ACOXL: variants seen among roughly 807,000 people sequenced by gnomAD.
The protein encoded by ACOXL is acyl-coenzyme A oxidase-like protein.
ACOXL carries 70 observed loss-of-function variants against 71.9 expected under a neutral mutation model. The observed-to-expected ratio is 0.97, with a 90% CI of 0.80 to 1.19. ACOXL has a LOEUF of 1.19. ACOXL is among the 50% of genes most tolerant of loss of function. The probability of loss-of-function intolerance (pLI) is 0.00; values close to 1 mark genes in which losing one functional copy is unlikely to be tolerated. For synonymous variants in ACOXL, 253 were observed against 281.6 expected (o/e 0.90, Z 1.02); for missense variants, 703 against 736.3 (o/e 0.95, Z 0.52).
At chr2:110,860,004 C>G (rs1693749575) in intron 10 of ACOXL, among the ~76,000 whole-genome samples, 1 of 152,176 alleles carries the variant, frequency 6.6e-6, no homozygotes, top group Non-Finnish European at 1.5e-5. Context: ...CCTGTCTTTC[C>G]CTTCCTGCTT....
intron 9 of ACOXL, among the ~76,000 whole-genome samples, chr2:110,811,410 G>A (rs1687299019): frequency 6.6e-6 from 1 of 152,222 alleles, no homozygotes; most frequent in Non-Finnish European, 1.5e-5. Flanking sequence ...CGCAGACAGT[G>A]TGGCATAACA....
intron 10 of ACOXL, chr2:110,886,686 A>G (rs979003590): frequency 2.7e-6 from 4 of 1,488,680 alleles, no homozygotes; most frequent in African/African-American, 2.8e-5. Flanking sequence ...TCCCTCCCCT[A>G]TCCTTCTGAA....
chr2:110,911,580 AC>A (rs1406444222), intron 11 of ACOXL, among the ~76,000 whole-genome samples: 1 of 152,130 alleles, frequency 6.6e-6, no homozygotes, highest in Non-Finnish European at 1.5e-5. Flanking sequence ...AAAACAACAT[AC>A]TACACTGTGT....
chr2:110,875,609 G>T (rs1378000056), intron 10 of ACOXL, among the ~76,000 whole-genome samples: 3 of 152,084 alleles, frequency 2.0e-5, no homozygotes, highest in Non-Finnish European at 4.4e-5. Flanking sequence ...CGTCTCCTCT[G>T]GGAGCCCCTT....
chr2:110,998,300 A>G (rs1421961863), intron 14 of ACOXL, among the ~76,000 whole-genome samples: 1 of 152,256 alleles, frequency 6.6e-6, no homozygotes, highest in Non-Finnish European at 1.5e-5. Context: ...TAACATAACT[A>G]CTGAACACAG....
intron 16 of ACOXL, among the ~76,000 whole-genome samples, chr2:111,060,965 CTCTG>C (rs1212181216): frequency 6.6e-6 from 1 of 152,116 alleles, no homozygotes; most frequent in Non-Finnish European, 1.5e-5. Context: ...AAATGACTGA[CTCTG>C]TACAACAGAA....
At chr2:111,066,036 C>T (rs867012228) in intron 16 of ACOXL, among the ~76,000 whole-genome samples, 2 of 152,228 alleles carry the variant, frequency 1.3e-5, no homozygotes, top group South Asian at 2.1e-4. Flanking sequence ...TATTTATCCC[C>T]CCAAAAATGA....
intron 17 of ACOXL, chr2:111,112,917 T>G (rs2070093240): frequency 6.6e-6 from 1 of 152,224 alleles, no homozygotes; most frequent in Non-Finnish European, 1.5e-5. Context: ...GAAGCCGATA[T>G]CCTTGGCACC....
intron 14 of ACOXL, among the ~76,000 whole-genome samples, chr2:111,011,284 ACTGAGACAAAAAGGAAAACCCTTAAT>A (rs1368675204): frequency 1.3e-5 from 2 of 152,178 alleles, no homozygotes; most frequent in African/African-American, 4.8e-5. Flanking sequence ...GAGGTAGTAG[ACTGAGACAAAAAGGAAAACCCTTAAT>A]CTGAAAGAAG....
intron 9 of ACOXL, among the ~76,000 whole-genome samples, chr2:110,834,279 G>T (rs370749517): frequency 6.6e-6 from 1 of 152,212 alleles, no homozygotes; most frequent in Non-Finnish European, 1.5e-5. Context: ...TGTAAGGGAT[G>T]CACAGAATCC....
chr2:110,798,890 T>C, intron 6 of ACOXL, 124 bp from the exon 7 acceptor site: 1 of 1,189,330 alleles, frequency 8.4e-7, no homozygotes, highest in Admixed American at 1.8e-5. Flanking sequence ...TTATATGCTC[T>C]CATGCTTGGT....
intron 2 of ACOXL, among the ~76,000 whole-genome samples, chr2:110,778,637 G>A (rs940892153): frequency 3.9e-5 from 6 of 152,110 alleles, no homozygotes; most frequent in African/African-American, 1.4e-4. Context: ...TGTGAAGTGT[G>A]GACGATAACA....
intron 10 of ACOXL, among the ~76,000 whole-genome samples, chr2:110,862,957 G>A (rs554955213): frequency 6.6e-6 from 1 of 152,222 alleles, no homozygotes; most frequent in East Asian, 1.9e-4. Context: ...ACATTCACTA[G>A]GTTTTTTATT....
At chr2:110,898,166 A>T (rs2059090432) in intron 10 of ACOXL, among the ~76,000 whole-genome samples, 1 of 118,532 alleles carries the variant, frequency 8.4e-6, no homozygotes, top group Non-Finnish European at 1.8e-5. Flanking sequence ...TTTCCAGAAG[A>T]ATTATTAATA....
In ACOXL at chr2:110,921,567, G is replaced by T. The variant is rs183640390; in HGVS notation, c.906-11922G>T. Among the ~76,000 whole-genome samples, 312 of 151,964 alleles carry T rather than the reference G, an allele frequency of 2.1e-3. 2 individuals are homozygous for T. Among genetic ancestry groups the T allele is most frequent in the African/African-American group, 7.3e-3 (303 of 41,458 alleles). On this transcript the variant is annotated intron_variant, in intron 11 of 17. Transcript: ENST00000439055. The stretch of plus-strand genomic sequence containing the variant: ...TGCCACCACGTCCGGCTAACTTTTT[G>T]TACTTTTAGTAGAGTTGGGGTTTCA...
At chr2:111,055,281 C>T (rs1558919158) in intron 16 of ACOXL, among the ~76,000 whole-genome samples, 1 of 152,226 alleles carries the variant, frequency 6.6e-6, no homozygotes, top group Non-Finnish European at 1.5e-5. Context: ...CTGTCCCCAC[C>T]TCACAGGCGG....
At position 111,019,802 on chromosome 2, in the gene ACOXL, C is replaced by G. The variant is rs945733516; in HGVS notation, c.1282-11825C>G. Among the ~76,000 whole-genome samples the G allele has an allele frequency of 9.9e-5, 15 of 152,232 alleles. 1 individual carries two copies. The highest frequency in any genetic ancestry group is 2.1e-4 in the Non-Finnish European group (14 of 68,032). ...TGCCGTGCAGTGAGTGGCTGACCCC[C>G]TGTGCTGAATTTGCTCTATTTCTCT... is the stretch of plus-strand genomic sequence containing the variant. On this transcript the variant is annotated intron_variant, in intron 14 of 17. Coordinates refer to ENST00000439055, the MANE Select transcript of ACOXL (RefSeq NM_001142807.4).
In ACOXL at chr2:110,803,389, C is replaced by G. The variant is rs1302466368; in HGVS notation, c.620+1665C>G. Among the ~76,000 whole-genome samples the G allele has an allele frequency of 2.0e-5, 3 of 152,266 alleles. No homozygotes were observed. The East Asian group carries it at 5.8e-4, about 29-fold the overall frequency. ...CTTACAGTTACAATCAATTAATATT[C>G]CACTGCAGAGCCAAGACAATTCAAT... is the stretch of plus-strand genomic sequence containing the variant. On this transcript the variant is annotated intron_variant, in intron 8 of 17. Transcript: ENST00000439055.
chr2:111,089,218 T>A lies in ACOXL; in HGVS notation c.1441-3647T>A, dbSNP rs185684847. Among the ~76,000 whole-genome samples the A allele has an allele frequency of 3.3e-5, 5 of 152,326 alleles. No individual in the cohort carries two copies. The East Asian group carries it at 9.6e-4, about 29-fold the overall frequency. On this transcript the variant is annotated intron_variant, in intron 16 of 17. Transcript: ENST00000439055. Reference sequence around the variant, plus strand: ...GGGAGGCTGAGAAAGGAGAATCGCTTGAACCAGGGAGGTGGAGGTTGTAGT... The same window carrying A: ...GGGAGGCTGAGAAAGGAGAATCGCTAGAACCAGGGAGGTGGAGGTTGTAGT...
Sources: gnomAD v4.1 joint callset for allele counts (sites outside exome capture counted in the v4.1 genomes callset) on GRCh38, gnomAD v4.1.1 for gene constraint, MANE v1.5 for transcripts, NCBI Gene and HGNC (gene_info 2026-07-23, HGNC 2026-07-21) for gene names.